The following PIGL variants were observed in gnomAD, a reference collection of about 807,000 sequenced individuals.
PIGL encodes the protein phosphatidylinositol glycan anchor biosynthesis class L.
Under a neutral mutation model 31.1 loss-of-function variants are expected in PIGL, and 22 were observed. The ratio of observed to expected loss-of-function variants is 0.71; its 90% CI spans 0.51 to 1.01. PIGL has a LOEUF of 1.01. Among genes scored for constraint, PIGL ranks in the 50% least tolerant of loss-of-function variants. The pLI, the probability that PIGL is intolerant of heterozygous loss-of-function variation, is 0.00. For synonymous variants in PIGL, 131 were observed against 117.4 expected (o/e 1.12, Z -0.75); for missense variants, 302 against 315.9 (o/e 0.96, Z 0.33).
chr17:16,227,256 G>C (rs181521338), intron 1 of PIGL, among the ~76,000 whole-genome samples: 1 of 151,878 alleles, frequency 6.6e-6, no homozygotes, highest in South Asian at 2.1e-4. Context: ...TTACAGGCGC[G>C]TGCCACCATC....
intron 2 of PIGL, among the ~76,000 whole-genome samples, chr17:16,258,136 AGAAAGAG>A (rs2092804221): frequency 8.7e-6 from 1 of 115,312 alleles, no homozygotes; most frequent in Non-Finnish European, 2.0e-5. Context: ...AGAGAGAGAG[AGAAAGAG>A]AGAGAGAGAG....
chr17:16,258,061 CAGAA>C (rs1323130888), intron 2 of PIGL, among the ~76,000 whole-genome samples: 2 of 76,548 alleles, frequency 2.6e-5, no homozygotes, highest in South Asian at 4.4e-4. Context: ...AAAACTTTGT[CAGAA>C]AGAAAGAGAG....
At chr17:16,293,794 AT>A (rs2142823765) in intron 2 of PIGL, among the ~76,000 whole-genome samples, 1 of 152,358 alleles carries the variant, frequency 6.6e-6, no homozygotes, top group South Asian at 2.1e-4. Flanking sequence ...CTAGTCTTAT[AT>A]TTTAAGTTTA....
chr17:16,299,079 G>A (rs930243026), intron 2 of PIGL, among the ~76,000 whole-genome samples: 6 of 151,856 alleles, frequency 4.0e-5, no homozygotes, highest in African/African-American at 7.3e-5. Flanking sequence ...GTGGTGGCAC[G>A]TACCTGTAAT....
intron 1 of PIGL, among the ~76,000 whole-genome samples, chr17:16,222,326 C>G (rs984817929): frequency 4.0e-5 from 6 of 151,508 alleles, no homozygotes; most frequent in African/African-American, 1.5e-4. Context: ...AGGAAGCAAG[C>G]AGTAGTAAAG....
intron 3 of PIGL, among the ~76,000 whole-genome samples, chr17:16,312,049 C>T (rs1404835666): frequency 6.6e-6 from 1 of 150,468 alleles, no homozygotes; most frequent in Non-Finnish European, 1.5e-5. Flanking sequence ...CAGAGGCGCC[C>T]CCAACCTCCC....
chr17:16,264,815 G>A lies in PIGL; in HGVS notation c.335+30745G>A, dbSNP rs111257857. On this transcript the variant is annotated intron_variant, in intron 2 of 6. Coordinates refer to ENST00000225609, the MANE Select transcript of PIGL (RefSeq NM_004278.4). ...GTGCCCACCACCACGTCTGGCTAAT[G>A]GGGGTTTCACCGTGTTGGCCAGGCT... Among the ~76,000 whole-genome samples the A allele has an allele frequency of 4.6e-3, 677 of 147,356 alleles. 5 individuals are homozygous for A. Among genetic ancestry groups the A allele is most frequent in the African/African-American group, 0.017 (664 of 40,090 alleles).
chr17:16,303,289 G>A (rs1568835050), intron 3 of PIGL, among the ~76,000 whole-genome samples: 1 of 152,146 alleles, frequency 6.6e-6, no homozygotes. Context: ...CTAGACTAAG[G>A]CCTGTGAAGG....
rs965712616 is a variant in PIGL, at chr17:16,262,826, C to G, written c.335+28756C>G. ...GTAGAAACAACCAAAATGTTTGTCACTGATGAGTGGATAAACAAAATGTAG... is the reference window on the plus strand; with the variant it reads ...GTAGAAACAACCAAAATGTTTGTCAGTGATGAGTGGATAAACAAAATGTAG... On this transcript the variant is annotated intron_variant, in intron 2 of 6. Coordinates refer to ENST00000225609, the MANE Select transcript of PIGL (RefSeq NM_004278.4). Among the ~76,000 whole-genome samples the G allele has an allele frequency of 3.9e-5, 6 of 152,080 alleles. No individual in the cohort carries two copies. The South Asian group carries it at 6.2e-4, about 16-fold the overall frequency.
chr17:16,232,172 G>T (rs2092681998), intron 1 of PIGL, among the ~76,000 whole-genome samples: 2 of 152,116 alleles, frequency 1.3e-5, no homozygotes, highest in African/African-American at 4.8e-5. Context: ...CAGCTACTTA[G>T]GAGGCTGAGG....
intron 1 of PIGL, among the ~76,000 whole-genome samples, chr17:16,229,276 C>CA (rs1212841903): frequency 1.3e-5 from 2 of 149,104 alleles, no homozygotes; most frequent in East Asian, 3.9e-4. Context: ...GTCCCTGTCT[C>CA]AAAAAAAAAC....
intron 6 of PIGL, 35 bp from the exon 7 acceptor site, chr17:16,325,765 A>C (rs757295143): frequency 2.0e-6 from 3 of 1,495,980 alleles, no homozygotes; most frequent in African/African-American, 2.8e-5. Flanking sequence ...CTCCAGTGCA[A>C]CTGTTTCATA....
chr17:16,283,868 C>T (rs1439354839), intron 2 of PIGL, among the ~76,000 whole-genome samples: 1 of 152,194 alleles, frequency 6.6e-6, no homozygotes, highest in East Asian at 1.9e-4. Context: ...TCATAGTTCC[C>T]TTCCTGGTCT....
intron 1 of PIGL, among the ~76,000 whole-genome samples, chr17:16,233,056 G>A (rs2092685486): frequency 6.6e-6 from 1 of 151,728 alleles, no homozygotes; most frequent in South Asian, 2.1e-4. Context: ...AGAGGTTGCA[G>A]TGAGCCAAGA....
intron 1 of PIGL, among the ~76,000 whole-genome samples, chr17:16,221,070 G>GA (rs951704655): frequency 1.9e-4 from 29 of 152,068 alleles, no homozygotes; most frequent in African/African-American, 6.7e-4. Flanking sequence ...TAACATACAA[G>GA]AAAAAACAAA....
chr17:16,251,445 C>T (rs531694089), intron 2 of PIGL, among the ~76,000 whole-genome samples: 5 of 150,474 alleles, frequency 3.3e-5, no homozygotes, highest in East Asian at 2.0e-4. Context: ...AAAAGACCAA[C>T]GTGGGTTTAT....
At chr17:16,280,861 C>G (rs888011274) in intron 2 of PIGL, among the ~76,000 whole-genome samples, 1 of 152,112 alleles carries the variant, frequency 6.6e-6, no homozygotes, top group South Asian at 2.1e-4. Context: ...CCTGCCACTA[C>G]GCCTGGCTAA....
chr17:16,256,622 T>C (rs1293790109), intron 2 of PIGL, among the ~76,000 whole-genome samples: 1 of 152,096 alleles, frequency 6.6e-6, no homozygotes, highest in Admixed American at 6.6e-5. Context: ...AGTGCTAGGA[T>C]TACAGGCGTG....
At chr17:16,312,066 G>T (rs2093053481) in intron 3 of PIGL, among the ~76,000 whole-genome samples, 1 of 146,590 alleles carries the variant, frequency 6.8e-6, no homozygotes, top group African/African-American at 2.6e-5. Flanking sequence ...TCCCGGACGG[G>T]GTGGCTGGCC....
Sources: allele counts gnomAD v4.1 joint callset (sites outside exome capture counted in the v4.1 genomes callset), GRCh38; gene constraint gnomAD v4.1.1; transcripts MANE v1.5; gene names NCBI Gene and HGNC (gene_info 2026-07-23, HGNC 2026-07-21).